The following SMYD3 variants were observed in gnomAD, a reference collection of about 807,000 sequenced individuals.
The protein encoded by SMYD3 is histone-lysine N-methyltransferase SMYD3.
Under a neutral mutation model 57.7 loss-of-function variants are expected in SMYD3, and 36 were observed. That is an observed-to-expected ratio of 0.62 (90% CI 0.48 to 0.82). SMYD3 has a LOEUF of 0.82. SMYD3 is among the 40% of genes least tolerant of loss of function. The pLI is 0.00. For synonymous variants in SMYD3, 211 were observed against 195.0 expected (o/e 1.08, Z -0.68); for missense variants, 515 against 538.8 (o/e 0.96, Z 0.44).
intron 1 of SMYD3, among the ~76,000 whole-genome samples, chr1:246,359,731 G>A (rs1258538630): frequency 6.6e-6 from 1 of 152,140 alleles, no homozygotes; most frequent in Non-Finnish European, 1.5e-5. Flanking sequence ...CTCAATAGAT[G>A]CAGAAAAAGC....
intron 1 of SMYD3, among the ~76,000 whole-genome samples, chr1:246,398,885 C>A (rs1262374285): frequency 6.6e-6 from 1 of 152,134 alleles, no homozygotes; most frequent in Non-Finnish European, 1.5e-5. Flanking sequence ...CATCCAACAC[C>A]CAGCCCTCTT....
At chr1:245,923,282 G>C (rs1156770328) in intron 7 of SMYD3, among the ~76,000 whole-genome samples, 1 of 151,214 alleles carries the variant, frequency 6.6e-6, no homozygotes, top group Non-Finnish European at 1.5e-5. Context: ...AGTAACATTT[G>C]TAAACATGCA....
intron 1 of SMYD3, among the ~76,000 whole-genome samples, chr1:246,412,735 G>A (rs144250658): frequency 0.079 from 11,987 of 151,812 alleles, 548 homozygotes; most frequent in Middle Eastern, 0.2. Context: ...GCCGGTGCCT[G>A]TAATCCCAGC....
chr1:246,294,626 T>C (rs1205979688), intron 5 of SMYD3, among the ~76,000 whole-genome samples: 1 of 151,220 alleles, frequency 6.6e-6, no homozygotes, highest in Non-Finnish European at 1.5e-5. Context: ...TAAGACAGAG[T>C]CTTACTCTGT....
At chr1:245,751,026 A>C (rs2045326165) in intron 11 of SMYD3, among the ~76,000 whole-genome samples, 2 of 152,366 alleles carry the variant, frequency 1.3e-5, no homozygotes, top group Middle Eastern at 3.4e-3. Context: ...CTGATAGAGC[A>C]AACTCTCAAC....
At chr1:245,786,300 C>T (rs1319107660) in intron 10 of SMYD3, among the ~76,000 whole-genome samples, 4 of 151,446 alleles carry the variant, frequency 2.6e-5, no homozygotes, top group Non-Finnish European at 5.9e-5. Flanking sequence ...AAAGATTATA[C>T]TACCTAATAA....
intron 1 of SMYD3, among the ~76,000 whole-genome samples, chr1:246,489,455 G>C (rs1423403931): frequency 2.6e-5 from 4 of 152,126 alleles, no homozygotes; most frequent in Non-Finnish European, 5.9e-5. Flanking sequence ...TCACGAGGTA[G>C]CTATTTCCCT....
At chr1:245,992,618 G>A (rs1186184367) in intron 5 of SMYD3, among the ~76,000 whole-genome samples, 2 of 25,872 alleles carry the variant, frequency 7.7e-5, no homozygotes, top group Admixed American at 4.0e-4. Context: ...GTCATGGATC[G>A]CCCACTTCTA....
intron 7 of SMYD3, among the ~76,000 whole-genome samples, chr1:245,924,225 G>A (rs1299526665): frequency 6.6e-6 from 1 of 152,030 alleles, no homozygotes; most frequent in African/African-American, 2.4e-5. Flanking sequence ...ATTTTGAAAA[G>A]GTAGCCATCA....
At chr1:246,168,029 G>A (rs1438269960) in intron 5 of SMYD3, among the ~76,000 whole-genome samples, 4 of 152,160 alleles carry the variant, frequency 2.6e-5, no homozygotes, top group African/African-American at 7.2e-5. Context: ...GCAAAACAGT[G>A]CGGTGGTTAG....
chr1:246,371,980 A>T (rs1558429809), intron 1 of SMYD3, among the ~76,000 whole-genome samples: 1 of 152,234 alleles, frequency 6.6e-6, no homozygotes, highest in East Asian at 1.9e-4. Flanking sequence ...CTTGGAACTA[A>T]GCAATGACAA....
chr1:245,915,342 T>A (rs77913619), intron 8 of SMYD3, among the ~76,000 whole-genome samples, 188 bp downstream of exon 8: 2,345 of 152,274 alleles, frequency 0.015, 48 homozygotes, highest in African/African-American at 0.046. Flanking sequence ...CGGTTAAATC[T>A]CAGCTTGGTG....
At chr1:245,921,944 C>T (rs2055995002) in intron 7 of SMYD3, among the ~76,000 whole-genome samples, 1 of 152,086 alleles carries the variant, frequency 6.6e-6, no homozygotes, top group Admixed American at 6.5e-5. Context: ...GCAATATACC[C>T]ATGCAACACA....
intron 5 of SMYD3, among the ~76,000 whole-genome samples, chr1:246,240,435 G>C (rs991421388): frequency 6.6e-6 from 1 of 152,148 alleles, no homozygotes; most frequent in Admixed American, 6.5e-5. Context: ...GCTCTGTTCT[G>C]TTCCATTGAT....
intron 10 of SMYD3, among the ~76,000 whole-genome samples, chr1:245,782,042 T>A (rs2046850468): frequency 6.6e-6 from 1 of 152,208 alleles, no homozygotes; most frequent in Admixed American, 6.5e-5. Flanking sequence ...ATTCAGAGCT[T>A]TCTTTGCTCA....
At chr1:246,049,454 G>C (rs896688442) in intron 5 of SMYD3, among the ~76,000 whole-genome samples, 1 of 140,716 alleles carries the variant, frequency 7.1e-6, no homozygotes, top group African/African-American at 2.9e-5. Flanking sequence ...CCGCCACCAC[G>C]CCTGGCTAAT....
chr1:245,970,407 A>T (rs1023733652), intron 5 of SMYD3, among the ~76,000 whole-genome samples: 2 of 152,210 alleles, frequency 1.3e-5, no homozygotes, highest in African/African-American at 4.8e-5. Context: ...ATGGGCAAGG[A>T]CTTCATGTCT....
At chr1:246,351,961 C>T (rs1379991478) in intron 2 of SMYD3, among the ~76,000 whole-genome samples, 2 of 151,780 alleles carry the variant, frequency 1.3e-5, no homozygotes, top group African/African-American at 4.8e-5. Context: ...CATGATGAAA[C>T]CCCACCTCTA....
At chr1:246,392,581 G>A (rs1302151339) in intron 1 of SMYD3, among the ~76,000 whole-genome samples, 1 of 151,786 alleles carries the variant, frequency 6.6e-6, no homozygotes, top group African/African-American at 2.4e-5. Flanking sequence ...CCGAATAGCT[G>A]GGACTACAAG....
Sources: gnomAD v4.1 joint callset for allele counts (sites outside exome capture counted in the v4.1 genomes callset) on GRCh38, gnomAD v4.1.1 for gene constraint, MANE v1.5 for transcripts, NCBI Gene and HGNC (gene_info 2026-07-23, HGNC 2026-07-21) for gene names.